Variants in DLG2 observed in about 807,000 individuals in gnomAD.
The protein encoded by DLG2 is disks large homolog 2.
DLG2 carries 45 observed loss-of-function variants against 132.5 expected under a neutral mutation model. That is an observed-to-expected ratio of 0.34 (90% CI 0.27 to 0.44). DLG2 has a LOEUF of 0.44. Ranked by LOEUF, DLG2 falls within the 20% of genes least tolerant of loss-of-function variation. DLG2 has a pLI of 1.00. For missense variants in DLG2, 1,045 were observed against 1,196.9 expected (o/e 0.87, Z 1.87); for synonymous variants, 424 against 419.6 (o/e 1.01, Z -0.13).
intron 21 of DLG2, among the ~76,000 whole-genome samples, chr11:83,516,078 C>G (rs990259628): frequency 2.0e-5 from 3 of 152,120 alleles, no homozygotes; most frequent in African/African-American, 4.8e-5. Context: ...CCTGGATATC[C>G]TTGTTAATTT....
chr11:84,456,734 G>A (rs528380857), intron 7 of DLG2, among the ~76,000 whole-genome samples: 7 of 151,302 alleles, frequency 4.6e-5, no homozygotes, highest in Non-Finnish European at 8.9e-5. Context: ...TTCTAACAGC[G>A]TATTTCACTT....
chr11:84,024,547 T>C (rs776563570), intron 11 of DLG2, among the ~76,000 whole-genome samples: 6 of 152,178 alleles, frequency 3.9e-5, no homozygotes, highest in Non-Finnish European at 5.9e-5. Context: ...AAATGTGGTT[T>C]ATATAAATAA....
At chr11:84,716,970 C>T (rs2061310604) in intron 6 of DLG2, among the ~76,000 whole-genome samples, 2 of 151,926 alleles carry the variant, frequency 1.3e-5, no homozygotes, top group South Asian at 4.2e-4. Context: ...AGTCATAAGT[C>T]GTATAGTCAG....
At chr11:84,546,062 T>C (rs1010407761) in intron 6 of DLG2, among the ~76,000 whole-genome samples, 10 of 152,230 alleles carry the variant, frequency 6.6e-5, no homozygotes, top group Admixed American at 6.5e-4. Flanking sequence ...GGCTCTTAGG[T>C]GATGTTCTTC....
chr11:84,542,676 T>A (rs1193099747), intron 6 of DLG2, among the ~76,000 whole-genome samples: 1 of 151,812 alleles, frequency 6.6e-6, no homozygotes. Context: ...ATAATAATAA[T>A]AACAGAATTT....
chr11:83,512,586 G>A (rs1474277500), intron 21 of DLG2, among the ~76,000 whole-genome samples: 4 of 151,786 alleles, frequency 2.6e-5, no homozygotes, highest in Non-Finnish European at 5.9e-5. Flanking sequence ...CAATGTGCAG[G>A]TTTGTTACAT....
At chr11:84,285,811 T>C (rs2097903896) in intron 7 of DLG2, among the ~76,000 whole-genome samples, 1 of 152,212 alleles carries the variant, frequency 6.6e-6, no homozygotes, top group Admixed American at 6.5e-5. Context: ...AATTACTTCA[T>C]TATGGATAAA....
chr11:85,030,468 T>C (rs1224075420), intron 6 of DLG2, among the ~76,000 whole-genome samples: 1 of 152,232 alleles, frequency 6.6e-6, no homozygotes, highest in East Asian at 1.9e-4. Context: ...ATGTCTTGCA[T>C]TATTAGAATC....
At chr11:83,645,293 T>A (rs2067831742) in intron 18 of DLG2, among the ~76,000 whole-genome samples, 1 of 152,134 alleles carries the variant, frequency 6.6e-6, no homozygotes, top group Non-Finnish European at 1.5e-5. Context: ...GGGATATCAT[T>A]ATGACCTAAG....
intron 2 of DLG2, among the ~76,000 whole-genome samples, chr11:85,623,303 T>G (rs1469355877): frequency 6.6e-6 from 1 of 151,446 alleles, no homozygotes; most frequent in Non-Finnish European, 1.5e-5. Flanking sequence ...CCGAAGACAA[T>G]AGGACAATTT....
In DLG2 at chr11:83,786,703, T is replaced by C. The variant is rs201447106; in HGVS notation, c.1812A>G (p.Gln604=). 2.0e-5 allele frequency: 33 copies of C among 1,613,956 alleles called. No individual in the cohort carries two copies. The highest frequency in any genetic ancestry group is 2.4e-5 in the Non-Finnish European group (28 of 1,179,944). ...GAGQTVTIIA[Q]YQPEDYARFE... ...GTTCTGACTGACCTTCAGGTTGATA[T>C]TGTGCTATAATCGTCACTGTCTGTC... The change falls in exon 18 of 28, where the codon CAA becomes CAG. Residue 604 remains glutamine, a synonymous_variant. Transcript: ENST00000376104.
intron 3 of DLG2, among the ~76,000 whole-genome samples, chr11:85,520,924 T>C (rs890219885): frequency 5.9e-5 from 9 of 151,962 alleles, no homozygotes; most frequent in African/African-American, 2.2e-4. Flanking sequence ...AAAAAAAACA[T>C]CAGAGAAACT....
chr11:85,470,088 G>C (rs893249036), intron 3 of DLG2, among the ~76,000 whole-genome samples: 17 of 150,838 alleles, frequency 1.1e-4, no homozygotes, highest in Non-Finnish European at 2.4e-4. Context: ...ATCTCACCAA[G>C]CTTTTGCATT....
chr11:84,881,220 C>A (rs2087277718), intron 6 of DLG2, among the ~76,000 whole-genome samples: 1 of 152,116 alleles, frequency 6.6e-6, no homozygotes, highest in Non-Finnish European at 1.5e-5. Context: ...TTATCTCTTC[C>A]TGATAACAGG....
intron 6 of DLG2, among the ~76,000 whole-genome samples, chr11:84,883,089 T>C (rs1024868994): frequency 6.6e-6 from 1 of 151,888 alleles, no homozygotes; most frequent in Non-Finnish European, 1.5e-5. Flanking sequence ...ACTGGATAAA[T>C]AAAATGTGGC....
intron 6 of DLG2, among the ~76,000 whole-genome samples, chr11:84,767,380 GT>G (rs2068583077): frequency 6.6e-6 from 1 of 151,926 alleles, no homozygotes; most frequent in African/African-American, 2.4e-5. Flanking sequence ...AAACTACCAC[GT>G]TTATGGCTTG....
At chr11:85,135,535 A>T (rs564735174) in intron 5 of DLG2, among the ~76,000 whole-genome samples, 1 of 152,338 alleles carries the variant, frequency 6.6e-6, no homozygotes, top group East Asian at 1.9e-4. Context: ...TAGTCTTCTA[A>T]CGTTGGTGGA....
chr11:85,527,332 G>A (rs977848285), intron 3 of DLG2, among the ~76,000 whole-genome samples: 14 of 151,828 alleles, frequency 9.2e-5, no homozygotes, highest in African/African-American at 3.4e-4. Context: ...TTGTCCTAAT[G>A]CTCTCTCTCC....
rs539663677 is a variant in DLG2 at position 84,507,692 on chromosome 11, A to T, written c.519+26878T>A. 7.9e-5 allele frequency among the ~76,000 whole-genome samples: 12 copies of T among 152,292 alleles called. No individual in the cohort carries two copies. In the East Asian group the frequency reaches 2.1e-3, roughly 27 times the overall value. Reference sequence around the variant, plus strand: ...GTTTTTCATCACGAAGGGATGCTGGATTTTATTCAAAGTTTTTTCTATGTC... The same window carrying T: ...GTTTTTCATCACGAAGGGATGCTGGTTTTTATTCAAAGTTTTTTCTATGTC... On this transcript the variant is annotated intron_variant, in intron 7 of 27. Coordinates refer to ENST00000376104, the MANE Select transcript of DLG2 (RefSeq NM_001142699.3).
Sources: allele counts gnomAD v4.1 joint callset (sites outside exome capture counted in the v4.1 genomes callset), GRCh38; gene constraint gnomAD v4.1.1; transcripts MANE v1.5; gene names NCBI Gene and HGNC (gene_info 2026-07-23, HGNC 2026-07-21).